CASC3: variants seen among roughly 807,000 people sequenced by gnomAD.
The protein encoded by CASC3 is protein CASC3.
Under a neutral mutation model 80.5 loss-of-function variants are expected in CASC3, and 30 were observed. That is an observed-to-expected ratio of 0.37 (90% CI 0.28 to 0.51). CASC3 has a LOEUF of 0.51. Among genes scored for constraint, CASC3 ranks in the 20% least tolerant of loss-of-function variants. The probability of loss-of-function intolerance (pLI) is 0.94; values close to 1 mark genes in which losing one functional copy is unlikely to be tolerated. For synonymous variants in CASC3, 312 were observed against 333.6 expected, an observed-to-expected ratio of 0.94 and a Z score of 0.70; for missense variants, 824 against 922.2, an observed-to-expected ratio of 0.89 and a Z score of 1.38.
rs1200003749 is a variant in CASC3, at chr17:40,167,954, C to G, written c.1750+6C>G. Reference sequence around the variant, plus strand: ...AATGAACCTTCCCCACCCAGGTAAGCTTTGTGTCTCTGCTTATATGCTTCC... The same window carrying G: ...AATGAACCTTCCCCACCCAGGTAAGGTTTGTGTCTCTGCTTATATGCTTCC... On this transcript the variant is annotated splice_donor_region_variant and intron_variant, in intron 10 of 13. Coordinates refer to ENST00000264645, the MANE Select transcript of CASC3 (RefSeq NM_007359.5). 1 of 1,612,474 alleles carries G rather than the reference C, an allele frequency of 6.2e-7. No individual in the cohort carries two copies. The highest frequency in any genetic ancestry group is 1.1e-5 in the South Asian group (1 of 91,040).
At position 40,169,308 on chromosome 17, in the gene CASC3, G is replaced by C. The variant is rs763042788; in HGVS notation, c.1966-16G>C. 9 of 1,531,346 alleles carry C rather than the reference G, an allele frequency of 5.9e-6. No individual in the cohort carries two copies. In the South Asian group the frequency reaches 8.7e-5, roughly 15 times the overall value. The allele number at this position is 1,531,346 out of a possible 1,614,324, so 94.9% of individuals were successfully genotyped here. On this transcript the variant is annotated splice_polypyrimidine_tract_variant and intron_variant, in intron 11 of 13. Coordinates refer to ENST00000264645, the MANE Select transcript of CASC3 (RefSeq NM_007359.5). ...TCATTCCTAACTTTTTCTTCTCCTGGCTTGTGGGGTCCCAGGCCCCATCAC... is the reference window on the plus strand; with the variant it reads ...TCATTCCTAACTTTTTCTTCTCCTGCCTTGTGGGGTCCCAGGCCCCATCAC...
intron 7 of CASC3, among the ~76,000 whole-genome samples, chr17:40,164,557 C>T (rs930959205): frequency 6.6e-6 from 1 of 151,904 alleles, no homozygotes; most frequent in African/African-American, 2.4e-5. Flanking sequence ...AGTGATTCTC[C>T]TGCCTCAGCC....
At chr17:40,161,666 C>G (rs1463091029) in intron 3 of CASC3, 87 bp from the exon 4 acceptor site, 5 of 1,178,844 alleles carry the variant, frequency 4.2e-6, no homozygotes, top group South Asian at 1.4e-5. Context: ...GTGACAGAGA[C>G]TTTGTTTTGG....
Position 40,166,827 on chromosome 17 carries a change from G to T in CASC3, c.1502G>T (p.Gly501Val). The T allele has an allele frequency of 1.2e-6, 2 of 1,606,276 alleles. No homozygotes were observed. The highest frequency in any genetic ancestry group is 1.7e-6 in the Non-Finnish European group (2 of 1,177,416). ...CCCAACCATATACACATGGGAGCAG[G>T]ACCTCCACCTCAGTTTAACCGGATG... ...GMPNHIHMGA[G>V]PPPQFNRMEE... The change falls in exon 8 of 14, where the codon GGA becomes GTA. Residue 501 changes from glycine (G) to valine (V), a missense_variant. By Grantham distance (109) the Gly-to-Val change is moderately radical. Coordinates refer to ENST00000264645, the MANE Select transcript of CASC3 (RefSeq NM_007359.5).
chr17:40,146,909 G>T (rs1988876881), intron 3 of CASC3, among the ~76,000 whole-genome samples: 1 of 152,134 alleles, frequency 6.6e-6, no homozygotes. Context: ...TCTACTGAAT[G>T]TTTATGGCTT....
intron 6 of CASC3, 39 bp downstream of exon 6, chr17:40,162,940 G>T (rs913308972): frequency 6.5e-7 from 1 of 1,547,872 alleles, no homozygotes; most frequent in Non-Finnish European, 8.9e-7. Flanking sequence ...GCTGGGTATG[G>T]TGGCTTACGG....
At position 40,171,940 on chromosome 17, in the gene CASC3, T is replaced by G. The variant is rs1989603482; in HGVS notation, c.*1535T>G. The G allele has an allele frequency of 2.3e-6, 3 of 1,278,796 alleles. No homozygotes were observed. The South Asian group carries it at 3.8e-5, about 16-fold the overall frequency. The allele number at this position is 1,278,796 out of a possible 1,614,324, so 79.2% of individuals were successfully genotyped here. A position where few individuals can be genotyped will look rare whatever the true frequency, so the allele number is the denominator to read the frequency against. ...CTAGGGGTAGCTGGTGGTTGTGCCT[T>G]TTGTAGGCTGTTCCCTTTGCCTTAA... On this transcript the variant is annotated 3_prime_UTR_variant, in exon 14 of 14. Transcript: ENST00000264645.
At position 40,161,704 on chromosome 17, in the gene CASC3, T is replaced by C. The variant is rs369144981; in HGVS notation, c.298-49T>C. 2.1e-4 allele frequency: 320 copies of C among 1,553,914 alleles called. 1 individual carries two copies. The highest frequency in any genetic ancestry group is 1.0e-3 in the South Asian group (90 of 88,054). On this transcript the variant is annotated intron_variant, in intron 3 of 13. Transcript: ENST00000264645. Reference sequence around the variant, plus strand: ...TTGGGGGCAGGGGTGGGAATTAAAATGCACCGTTCAGATCTTATATGCATC... The same window carrying C: ...TTGGGGGCAGGGGTGGGAATTAAAACGCACCGTTCAGATCTTATATGCATC...
At chr17:40,147,891 T>A (rs1055072139) in intron 3 of CASC3, among the ~76,000 whole-genome samples, 1 of 152,200 alleles carries the variant, frequency 6.6e-6, no homozygotes, top group African/African-American at 2.4e-5. Context: ...CAATTCTGAT[T>A]GATGTTCTTT....
intron 3 of CASC3, among the ~76,000 whole-genome samples, chr17:40,153,923 A>G (rs972646521): frequency 6.6e-6 from 1 of 152,004 alleles, no homozygotes; most frequent in Admixed American, 6.6e-5. Flanking sequence ...AAAATGCAAA[A>G]ATTAGCCAGC....
chr17:40,165,750 AGTTTTTTTTTTT>A (rs961144143), intron 7 of CASC3, among the ~76,000 whole-genome samples: 12 of 143,906 alleles, frequency 8.3e-5, no homozygotes, highest in East Asian at 2.0e-4. Flanking sequence ...ACATAGATAT[AGTTTTTTTTTTT>A]GTTTTTTTTT....
In CASC3 at chr17:40,140,717, G is replaced by T; in HGVS notation, c.169G>T (p.Gly57Trp). The T allele has an allele frequency of 6.4e-7, 1 of 1,562,066 alleles. No individual in the cohort carries two copies. Among genetic ancestry groups the T allele is most frequent in the South Asian group, 1.2e-5 (1 of 85,808 alleles). Residue 57 changes from glycine to tryptophan, a missense_variant, in exon 1 of 14, where the codon GGG becomes TGG. Around this residue, in one of 3 missense-constraint regions of CASC3, gnomAD observed 159 missense variants for 122.2 expected, o/e 1.30. Coordinates refer to ENST00000264645, the MANE Select transcript of CASC3 (RefSeq NM_007359.5). The part of the protein sequence containing the change: ...SLPSQRGGRT[G>W]ALHLRRVESG... The stretch of plus-strand genomic sequence containing the variant: ...GCCTTCACAGCGCGGAGGCCGAACC[G>T]GGGCCCTTCATCTGCGGCGGGTGGA...
Position 40,158,056 on chromosome 17 carries a change from A to G in CASC3, c.298-3697A>G, listed in dbSNP as rs1468098371. Among the ~76,000 whole-genome samples the G allele has an allele frequency of 2.6e-5, 4 of 152,140 alleles. No homozygotes were observed. In the East Asian group the frequency reaches 5.8e-4, roughly 22 times the overall value. ...GGCAGGCATACTTGCTGCAACTTCT[A>G]TTGAAAAAAAATTTGCGTAGAAGTG... On this transcript the variant is annotated intron_variant, in intron 3 of 13. Transcript: ENST00000264645.
At position 40,171,050 on chromosome 17, in the gene CASC3, T is replaced by C; in HGVS notation, c.*645T>C. On this transcript the variant is annotated 3_prime_UTR_variant, in exon 14 of 14. Transcript: ENST00000264645. The stretch of plus-strand genomic sequence containing the variant: ...TTTGTTATCCTCTTGTATACTTGTA[T>C]TCCCTTAACTCTAACCCTGTGGAAG... 1.0e-6 allele frequency: 1 copy of C among 985,612 alleles called. No individual in the cohort carries two copies. The highest frequency in any genetic ancestry group is 1.2e-6 in the Non-Finnish European group (1 of 829,932). The allele number at this position is 985,612 out of a possible 1,614,324, so 61.1% of individuals were successfully genotyped here. A position where few individuals can be genotyped will look rare whatever the true frequency, so the allele number is the denominator to read the frequency against.
chr17:40,164,749 CCTTT>C (rs1361872690), intron 7 of CASC3, among the ~76,000 whole-genome samples: 17 of 87,848 alleles, frequency 1.9e-4, no homozygotes, highest in Admixed American at 3.1e-4. Flanking sequence ...CCGTGCCTGG[CCTTT>C]TTTTTTTTTT....
At chr17:40,158,033 C>G (rs1405153508) in intron 3 of CASC3, among the ~76,000 whole-genome samples, 1 of 152,076 alleles carries the variant, frequency 6.6e-6, no homozygotes, top group Non-Finnish European at 1.5e-5. Flanking sequence ...GAAGGAGAGG[C>G]AGGCATACTT....
intron 3 of CASC3, among the ~76,000 whole-genome samples, chr17:40,161,343 G>A (rs1989292406): frequency 6.6e-6 from 1 of 152,062 alleles, no homozygotes; most frequent in Admixed American, 6.6e-5. Context: ...TCAGTTCTAT[G>A]TTGTACTAAA....
In CASC3 at chr17:40,163,556, TGGG is replaced by T. The variant is rs779357260; in HGVS notation, c.864_866del (p.Gly289del). ...ACAAGTCTCATCGCCACCAGGGTCT[TGGG>T]GGCACCCTACCACCAAGGACATTTA... On this transcript the variant is annotated inframe_deletion, in exon 7 of 14. Coordinates refer to ENST00000264645, the MANE Select transcript of CASC3 (RefSeq NM_007359.5). 6.2e-7 allele frequency: 1 copy of T among 1,614,028 alleles called. No individual in the cohort carries two copies. The highest frequency in any genetic ancestry group is 1.1e-5 in the South Asian group (1 of 91,074).
chr17:40,161,689 G>T, intron 3 of CASC3, 64 bp from the exon 4 acceptor site: 1 of 1,422,420 alleles, frequency 7.0e-7, no homozygotes, highest in Non-Finnish European at 9.8e-7. Flanking sequence ...TTGGGGGCAG[G>T]GGTGGGAATT....
Sources: allele counts gnomAD v4.1 joint callset (sites outside exome capture counted in the v4.1 genomes callset), GRCh38; gene constraint gnomAD v4.1.1; regional missense constraint gnomAD v4.1.1; transcripts MANE v1.5; gene names NCBI Gene and HGNC (gene_info 2026-07-23, HGNC 2026-07-21).